The following SYT1 variants were observed in gnomAD, a reference collection of about 807,000 sequenced individuals.
SYT1 encodes synaptotagmin-1.
Under a neutral mutation model 44.8 loss-of-function variants are expected in SYT1, and 8 were observed. The observed-to-expected ratio is 0.18, with a 90% CI of 0.10 to 0.32. The LOEUF is 0.32. Ranked by LOEUF, SYT1 falls within the 10% of genes least tolerant of loss-of-function variation. SYT1 has a pLI of 1.00. For synonymous variants in SYT1, 154 were observed against 188.8 expected, an observed-to-expected ratio of 0.82 and a Z score of 1.51; for missense variants, 286 against 509.3, an observed-to-expected ratio of 0.56 and a Z score of 4.22.
At position 79,212,565 on chromosome 12, in the gene SYT1, A is replaced by G. The variant is rs141022802; in HGVS notation, c.-17-4938A>G. Among the ~76,000 whole-genome samples, 52 of 152,150 alleles carry G rather than the reference A, an allele frequency of 3.4e-4. No homozygotes were observed. The East Asian group carries it at 9.6e-3, about 28-fold the overall frequency. ...AGAAGATAATTTAATTTTCTATTCAATAATATTTTTCTTGATAATTTAATT... is the reference window on the plus strand; with the variant it reads ...AGAAGATAATTTAATTTTCTATTCAGTAATATTTTTCTTGATAATTTAATT... On this transcript the variant is annotated intron_variant, in intron 3 of 10. Transcript: ENST00000261205.
intron 3 of SYT1, among the ~76,000 whole-genome samples, chr12:79,116,859 A>T (rs1271226193): frequency 6.6e-6 from 1 of 152,180 alleles, no homozygotes; most frequent in Non-Finnish European, 1.5e-5. Context: ...TTCACCTCTG[A>T]AGGCCTGAGT....
chr12:79,043,929 T>C (rs1036215854), intron 2 of SYT1, among the ~76,000 whole-genome samples: 13 of 152,208 alleles, frequency 8.5e-5, no homozygotes, highest in Non-Finnish European at 1.8e-4. Context: ...GAAAATTGTT[T>C]TCTTTAAGAA....
chr12:79,027,165 A>T (rs533866591), intron 2 of SYT1, among the ~76,000 whole-genome samples: 141 of 151,660 alleles, frequency 9.3e-4, no homozygotes, highest in Non-Finnish European at 1.5e-3. Flanking sequence ...CTCTCCAGGA[A>T]GTTTCTTACC....
intron 1 of SYT1, among the ~76,000 whole-genome samples, chr12:78,913,647 T>G (rs1013048937): frequency 6.6e-6 from 1 of 151,918 alleles, no homozygotes; most frequent in African/African-American, 2.4e-5. Context: ...TATGAGTTGT[T>G]TGTTTATGCT....
intron 3 of SYT1, among the ~76,000 whole-genome samples, chr12:79,207,357 T>C (rs1874184914): frequency 6.6e-6 from 1 of 152,214 alleles, no homozygotes; most frequent in African/African-American, 2.4e-5. Context: ...AACAAAGTTT[T>C]TTGTTTGTTT....
intron 9 of SYT1, among the ~76,000 whole-genome samples, chr12:79,358,084 G>GT: frequency 6.6e-6 from 1 of 152,112 alleles, no homozygotes; most frequent in Non-Finnish European, 1.5e-5. Context: ...CTTTCCTCAA[G>GT]TTTGGTGTTT....
chr12:79,399,470 A>G (rs1884996408), intron 9 of SYT1, among the ~76,000 whole-genome samples: 1 of 152,146 alleles, frequency 6.6e-6, no homozygotes, highest in Non-Finnish European at 1.5e-5. Flanking sequence ...ATTTCCAAAA[A>G]TATAATTCCA....
At chr12:79,080,973 T>C (rs1046506705) in intron 3 of SYT1, among the ~76,000 whole-genome samples, 2 of 152,172 alleles carry the variant, frequency 1.3e-5, no homozygotes, top group African/African-American at 4.8e-5. Flanking sequence ...GATACTATTG[T>C]GACTAGATGG....
chr12:79,074,009 T>C (rs1177097963), intron 3 of SYT1, among the ~76,000 whole-genome samples: 1 of 152,124 alleles, frequency 6.6e-6, no homozygotes, highest in Non-Finnish European at 1.5e-5. Context: ...TTCCAGTCAT[T>C]AGCTTCCATA....
chr12:79,410,546 C>A lies in SYT1; in HGVS notation c.929-33527C>A, dbSNP rs914183903. On this transcript the variant is annotated intron_variant, in intron 9 of 10. Transcript: ENST00000261205. Reference sequence around the variant, plus strand: ...AAAAAAAACAGAACGACAATAATAACAACAAAATAAAGCAGGTTATACAAG... The same window carrying A: ...AAAAAAAACAGAACGACAATAATAAAAACAAAATAAAGCAGGTTATACAAG... Among the ~76,000 whole-genome samples the A allele has an allele frequency of 6.8e-4, 83 of 122,114 alleles. 1 individual carries two copies. The highest frequency in any genetic ancestry group is 2.4e-3 in the African/African-American group (79 of 32,806). The allele number at this position is 122,114 out of a possible 152,430, so 80.1% of individuals were successfully genotyped here.
At chr12:78,941,394 TACACACACACAC>T (rs71441941) in intron 1 of SYT1, among the ~76,000 whole-genome samples, 10 of 143,730 alleles carry the variant, frequency 7.0e-5, no homozygotes, top group Non-Finnish European at 1.1e-4. Flanking sequence ...TAATAGAATC[TACACACACACAC>T]ACACACACAC....
At chr12:79,328,907 G>T in intron 8 of SYT1, among the ~76,000 whole-genome samples, 1 of 149,604 alleles carries the variant, frequency 6.7e-6, no homozygotes, top group East Asian at 2.0e-4. Context: ...TCTTTCAAAA[G>T]AATTCCAAAG....
At chr12:78,947,238 G>A (rs1256143220) in intron 1 of SYT1, among the ~76,000 whole-genome samples, 1 of 152,078 alleles carries the variant, frequency 6.6e-6, no homozygotes, top group African/African-American at 2.4e-5. Context: ...TGAGCTTTTA[G>A]GTACAACTTG....
At chr12:79,290,960 G>A (rs1321498564) in intron 5 of SYT1, among the ~76,000 whole-genome samples, 1 of 152,060 alleles carries the variant, frequency 6.6e-6, no homozygotes, top group African/African-American at 2.4e-5. Context: ...TAATGACTGT[G>A]TATAGATTTC....
At chr12:79,271,275 T>A (rs962453229) in intron 4 of SYT1, among the ~76,000 whole-genome samples, 1 of 152,268 alleles carries the variant, frequency 6.6e-6, no homozygotes, top group East Asian at 1.9e-4. Context: ...TTTTAAAAAA[T>A]TTATTTAGTG....
At chr12:79,107,171 A>G (rs1362046970) in intron 3 of SYT1, among the ~76,000 whole-genome samples, 1 of 151,984 alleles carries the variant, frequency 6.6e-6, no homozygotes, top group African/African-American at 2.4e-5. Context: ...ATCAAAATTA[A>G]CTCAAGACAT....
At chr12:79,300,789 T>TATATATATATATA (rs1555215390) in intron 8 of SYT1, among the ~76,000 whole-genome samples, 1 of 89,624 alleles carries the variant, frequency 1.1e-5, no homozygotes, top group Non-Finnish European at 2.2e-5. Context: ...TGTATACTTA[T>TATATATATATATA]TATATATATA....
At chr12:79,161,511 G>A (rs749981928) in intron 3 of SYT1, among the ~76,000 whole-genome samples, 1 of 152,090 alleles carries the variant, frequency 6.6e-6, no homozygotes. Context: ...GTATTCCATC[G>A]TTGTTAAGTG....
chr12:79,104,615 G>T (rs1878612472), intron 3 of SYT1, among the ~76,000 whole-genome samples: 1 of 151,842 alleles, frequency 6.6e-6, no homozygotes, highest in African/African-American at 2.4e-5. Flanking sequence ...ATCATACTAT[G>T]AACTTGTCCA....
Sources: gnomAD v4.1 joint callset for allele counts (sites outside exome capture counted in the v4.1 genomes callset) on GRCh38, gnomAD v4.1.1 for gene constraint, MANE v1.5 for transcripts, NCBI Gene and HGNC (gene_info 2026-07-23, HGNC 2026-07-21) for gene names.